ARF3: variants seen among roughly 807,000 people sequenced by gnomAD.
ARF3 encodes the protein ARF GTPase 3, also known as ADP-ribosylation factor 3.
In ARF3, 5 loss-of-function variants were observed where a neutral mutation model predicts 19.3. The ratio of observed to expected loss-of-function variants is 0.26; its 90% CI spans 0.14 to 0.54. The LOEUF (loss-of-function observed/expected upper bound fraction) is 0.54, where lower values mean the gene tolerates loss of function less well. ARF3 is among the 20% of genes least tolerant of loss of function. The pLI is 0.95. For synonymous variants in ARF3, 71 were observed against 89.2 expected (o/e 0.80, Z 1.15); for missense variants, 77 against 234.2 (o/e 0.33, Z 4.38).
chr12:48,949,561 G>A (rs1402660677), intron 1 of ARF3, among the ~76,000 whole-genome samples: 1 of 151,380 alleles, frequency 6.6e-6, no homozygotes, highest in African/African-American at 2.4e-5. Flanking sequence ...GTTGTTTTTA[G>A]AAACAGAGTC....
intron 1 of ARF3, among the ~76,000 whole-genome samples, chr12:48,955,065 C>T (rs1940537593): frequency 6.6e-6 from 1 of 152,168 alleles, no homozygotes; most frequent in South Asian, 2.1e-4. Context: ...CTTTAACCAA[C>T]CTGGTTTTAA....
intron 1 of ARF3, among the ~76,000 whole-genome samples, chr12:48,949,268 C>G (rs183331910): frequency 6.6e-6 from 1 of 152,162 alleles, no homozygotes; most frequent in Non-Finnish European, 1.5e-5. Flanking sequence ...CTCTGTCGCC[C>G]GGGTTGCAGT....
chr12:48,944,522 G>A (rs1162465535), intron 1 of ARF3, among the ~76,000 whole-genome samples: 1 of 152,214 alleles, frequency 6.6e-6, no homozygotes, highest in East Asian at 1.9e-4. Flanking sequence ...ACGTTAAGCT[G>A]TGTATTCCCT....
At chr12:48,948,630 G>A (rs931537248) in intron 1 of ARF3, among the ~76,000 whole-genome samples, 16 of 152,088 alleles carry the variant, frequency 1.1e-4, no homozygotes, top group East Asian at 9.6e-4. Context: ...GGCCAACATG[G>A]TAAAACCCCG....
chr12:48,942,314 C>T (rs1007294588), intron 1 of ARF3, among the ~76,000 whole-genome samples: 3 of 150,906 alleles, frequency 2.0e-5, no homozygotes, highest in African/African-American at 7.3e-5. Flanking sequence ...CTCCTGGGTT[C>T]AAGCAATCCT....
At chr12:48,950,492 C>CT (rs1374908516) in intron 1 of ARF3, among the ~76,000 whole-genome samples, 2 of 151,606 alleles carry the variant, frequency 1.3e-5, no homozygotes, top group East Asian at 1.9e-4. Context: ...CGACTGGCTT[C>CT]TTTTTTTTTA....
rs561267007 is a variant in ARF3 at position 48,938,600 on chromosome 12, T to A, written c.*347A>T. On this transcript the variant is annotated 3_prime_UTR_variant, in exon 5 of 5. Transcript: ENST00000256682. ...TGTGGGGACAGGGAAAGGACTCAGA[T>A]GCCAAGAGGACAGCAACCACTGCCA... is the stretch of plus-strand genomic sequence containing the variant. The A allele has an allele frequency of 8.8e-6, 4 of 456,390 alleles. No homozygotes were observed. The East Asian group carries it at 2.7e-4, about 30-fold the overall frequency. The allele number at this position is 456,390 out of a possible 1,614,324, so 28.3% of individuals were successfully genotyped here. A position where few individuals can be genotyped will look rare whatever the true frequency, so the allele number is the denominator to read the frequency against.
In ARF3 at chr12:48,939,775, C is replaced by T. The variant is rs373421521; in HGVS notation, c.264G>A (p.Leu88=). The T allele has an allele frequency of 1.2e-6, 2 of 1,613,896 alleles. No homozygotes were observed. Among genetic ancestry groups the T allele is most frequent in the African/African-American group, 2.7e-5 (2 of 74,906 alleles). The change falls in exon 4 of 5, where the codon TTG becomes TTA. Residue 88 remains leucine, a synonymous_variant. Transcript: ENST00000256682. This position sits in a 1 kb window ranked among gnomAD's most constrained non-coding sequence, Gnocchi z 4.8. ...WRHYFQNTQG[L]IFVVDSNDRE... is the part of the protein sequence containing the mutation. Reference sequence around the variant, plus strand: ...GATCATTGCTGTCGACCACAAATATCAACCCTAGGAAGGCAGAGCATGGGC... The same window carrying T: ...GATCATTGCTGTCGACCACAAATATTAACCCTAGGAAGGCAGAGCATGGGC...
intron 1 of ARF3, among the ~76,000 whole-genome samples, chr12:48,942,521 A>AAC (rs1324943943): frequency 1.3e-5 from 2 of 151,762 alleles, no homozygotes; most frequent in Non-Finnish European, 2.9e-5. Flanking sequence ...CCACATGTAT[A>AAC]ACACACACAC....
intron 1 of ARF3, among the ~76,000 whole-genome samples, chr12:48,948,792 CAGAGTG>C (rs1940408443): frequency 1.3e-5 from 2 of 151,392 alleles, no homozygotes; most frequent in Admixed American, 1.3e-4. Flanking sequence ...GCTTAGGTGA[CAGAGTG>C]AGACTCGGTC....
At chr12:48,944,153 A>G (rs972389626) in intron 1 of ARF3, among the ~76,000 whole-genome samples, 1 of 152,272 alleles carries the variant, frequency 6.6e-6, no homozygotes, top group African/African-American at 2.4e-5. Context: ...AAGGTTTGGT[A>G]TCAGGCTTTG....
At position 48,948,849 on chromosome 12, in the gene ARF3, C is replaced by G. The variant is rs532868605; in HGVS notation, c.-93-7661G>C. On this transcript the variant is annotated intron_variant, in intron 1 of 4. Transcript: ENST00000256682. ...AGAAAGAAAATGATGAGGGATGGGG[C>G]TGGAGAGATAAGCAGGGACTGGATC... Among the ~76,000 whole-genome samples the G allele has an allele frequency of 5.9e-5, 9 of 151,944 alleles. No homozygotes were observed. The South Asian group carries it at 1.9e-3, about 32-fold the overall frequency.
At chr12:48,947,912 G>T (rs1940387730) in intron 1 of ARF3, among the ~76,000 whole-genome samples, 1 of 151,864 alleles carries the variant, frequency 6.6e-6, no homozygotes, top group African/African-American at 2.4e-5. Context: ...GTGTGCAAAG[G>T]CATAAAGACT....
In ARF3 at chr12:48,938,929, G is replaced by T. The variant is rs1306426879; in HGVS notation, c.*18C>A. The T allele has an allele frequency of 6.2e-7, 1 of 1,610,156 alleles. No individual in the cohort carries two copies. The highest frequency in any genetic ancestry group is 8.5e-7 in the Non-Finnish European group (1 of 1,178,694). ...ATGTCAGGGGTGGGTGGGGTGCTTT[G>T]TTAGGGCTGTCTGGCTTTCACTTCT... is the stretch of plus-strand genomic sequence containing the variant. On this transcript the variant is annotated 3_prime_UTR_variant, in exon 5 of 5. Transcript: ENST00000256682.
At chr12:48,950,230 C>A (rs1392918970) in intron 1 of ARF3, among the ~76,000 whole-genome samples, 1 of 151,662 alleles carries the variant, frequency 6.6e-6, no homozygotes, top group Non-Finnish European at 1.5e-5. Flanking sequence ...GGGTCTTGCT[C>A]TGTCACCCAA....
In ARF3 at chr12:48,936,999, C is replaced by CA. The variant is rs1453318758; in HGVS notation, c.*1947dup. 1 of 152,136 alleles carries CA rather than the reference C, an allele frequency of 6.6e-6. No homozygotes were observed. Among genetic ancestry groups the CA allele is most frequent in the African/African-American group, 2.4e-5 (1 of 41,346 alleles). The allele number at this position is 152,136 out of a possible 1,614,324, so 9.4% of individuals were successfully genotyped here. A position where few individuals can be genotyped will look rare whatever the true frequency, so the allele number is the denominator to read the frequency against. On this transcript the variant is annotated 3_prime_UTR_variant, in exon 5 of 5. Coordinates refer to ENST00000256682, the MANE Select transcript of ARF3 (RefSeq NM_001659.3). ...GAAATAGAACCTCCAACACCCCCCC[C>CA]ACAACCACCACACACAAACACACCC...
chr12:48,949,941 C>T (rs6580696), intron 1 of ARF3, among the ~76,000 whole-genome samples: 86,419 of 151,974 alleles, frequency 0.57, 24,832 homozygotes, highest in South Asian at 0.75. Flanking sequence ...ATCTGGAGAC[C>T]ATAAAGAGAG....
intron 1 of ARF3, chr12:48,953,084 G>A (rs374404231): frequency 3.9e-5 from 6 of 152,348 alleles, no homozygotes; most frequent in Non-Finnish European, 4.4e-5. Context: ...CATATTTCAC[G>A]TCTCCAGCAT....
At chr12:48,945,020 C>T (rs192587042) in intron 1 of ARF3, among the ~76,000 whole-genome samples, 26 of 148,916 alleles carry the variant, frequency 1.7e-4, no homozygotes, top group African/African-American at 4.7e-4. Flanking sequence ...CATGGTGGTG[C>T]GCGCCTGTAC....
Sources: allele counts gnomAD v4.1 joint callset (sites outside exome capture counted in the v4.1 genomes callset), GRCh38; gene constraint gnomAD v4.1.1; non-coding constraint Gnocchi (gnomAD v3.1); transcripts MANE v1.5; gene names NCBI Gene and HGNC (gene_info 2026-07-23, HGNC 2026-07-21).